Variants in USP8 observed in about 807,000 individuals in gnomAD.
USP8 encodes the protein ubiquitin specific peptidase 8, also known as ubiquitin carboxyl-terminal hydrolase 8.
Under a neutral mutation model 130.0 loss-of-function variants are expected in USP8, and 27 were observed. That is an observed-to-expected ratio of 0.21 (90% CI 0.15 to 0.29). USP8 has a LOEUF of 0.29. USP8 is among the 10% of genes least tolerant of loss of function. The pLI, the probability that USP8 is intolerant of heterozygous loss-of-function variation, is 1.00. For missense variants in USP8, 1,029 were observed against 1,312.2 expected (o/e 0.78, Z 3.33); for synonymous variants, 392 against 444.1 (o/e 0.88, Z 1.48).
In USP8 at chr15:50,476,940, A is replaced by G; in HGVS notation, c.941A>G (p.Asn314Ser). 1.9e-6 allele frequency: 3 copies of G among 1,610,394 alleles called. No homozygotes were observed. Among genetic ancestry groups the G allele is most frequent in the Non-Finnish European group, 2.5e-6 (3 of 1,179,414 alleles). ...WLLCYPQYTT[N>S]AKVTPPPRRQ... ...CTTTGTTATCCCCAGTATACAACAAATGCTAAGGTCACTCCACCCCCACGA... is the reference window on the plus strand; with the variant it reads ...CTTTGTTATCCCCAGTATACAACAAGTGCTAAGGTCACTCCACCCCCACGA... The change falls in exon 9 of 20, where the codon AAT (asparagine) becomes AGT (serine). Residue 314 changes from asparagine to serine, a missense_variant. Transcript: ENST00000307179.
intron 8 of USP8, among the ~76,000 whole-genome samples, chr15:50,473,113 A>G (rs534752363): frequency 9.2e-5 from 14 of 152,298 alleles, no homozygotes; most frequent in African/African-American, 2.6e-4. Flanking sequence ...AAAAATGGCA[A>G]CTTTACTAGT....
At chr15:50,495,483 TGGA>T (rs1566891792) in intron 16 of USP8, among the ~76,000 whole-genome samples, 1 of 94,402 alleles carries the variant, frequency 1.1e-5, no homozygotes, top group Non-Finnish European at 2.4e-5. Flanking sequence ...TAGTAGAGAT[TGGA>T]GGGGGGGGTC....
At position 50,439,188 on chromosome 15, in the gene USP8, T is replaced by C; in HGVS notation, c.104+11T>C. 1.4e-6 allele frequency: 2 copies of C among 1,416,640 alleles called. No individual in the cohort carries two copies. 87.8% of individuals were successfully genotyped at this position (1,416,640 alleles called of 1,614,324 possible). On this transcript the variant is annotated intron_variant, in intron 2 of 19. Transcript: ENST00000307179. ...AATAAGCACTAAGAGGTATGATGTA[T>C]CCTTCGCTAGTTTGATTGAATCAAA...
intron 1 of USP8, among the ~76,000 whole-genome samples, chr15:50,431,817 C>G (rs2049940273): frequency 6.6e-6 from 1 of 152,136 alleles, no homozygotes; most frequent in Admixed American, 6.5e-5. Context: ...CCACCATGCC[C>G]AGCTAATTTG....
chr15:50,503,612 A>C lies in USP8; in HGVS notation c.*4524A>C, dbSNP rs1161354046. On this transcript the variant is annotated 3_prime_UTR_variant, in exon 20 of 20. Transcript: ENST00000307179. ...GCTTGGACTCATGGTACAGAGAATA[A>C]AAGTCATTCCTGGGAATTTGTCACC... 1 of 152,220 alleles carries C rather than the reference A, an allele frequency of 6.6e-6. No homozygotes were observed. The highest frequency in any genetic ancestry group is 1.5e-5 in the Non-Finnish European group (1 of 68,032). The allele number at this position is 152,220 out of a possible 1,614,324, so 9.4% of individuals were successfully genotyped here. A position where few individuals can be genotyped will look rare whatever the true frequency, so the allele number is the denominator to read the frequency against.
At position 50,497,089 on chromosome 15, in the gene USP8, G is replaced by A; in HGVS notation, c.2896G>A (p.Asp966Asn). 1 of 1,586,338 alleles carries A rather than the reference G, an allele frequency of 6.3e-7. No individual in the cohort carries two copies. Among genetic ancestry groups the A allele is most frequent in the Non-Finnish European group, 8.5e-7 (1 of 1,170,374 alleles). Reference sequence around the variant, plus strand: ...TCTGCTACTTGTTTTTTTCTGCCAGGATTGCCTTAGATTATTTTCCAAAGA... The same window carrying A: ...TCTGCTACTTGTTTTTTTCTGCCAGAATTGCCTTAGATTATTTTCCAAAGA... ...LASTSKCTLQ[D>N]CLRLFSKEEK... Residue 966 changes from aspartate (D) to asparagine (N), a missense_variant and splice_region_variant, in exon 18 of 20, where the codon GAT (aspartate) becomes AAT (asparagine). Asp to Asn is a conservative substitution (Grantham distance 23). This residue lies in a region of USP8 where 257 missense variants were observed against 429.8 expected (regional missense o/e 0.60). Transcript: ENST00000307179.
chr15:50,430,648 T>G (rs2049900482), intron 1 of USP8, among the ~76,000 whole-genome samples: 1 of 152,126 alleles, frequency 6.6e-6, no homozygotes. Flanking sequence ...ATAACATAAT[T>G]TTGGTGTCAA....
At chr15:50,490,650 T>C in intron 14 of USP8, 125 bp downstream of exon 14, 3 of 1,236,608 alleles carry the variant, frequency 2.4e-6, no homozygotes, top group Admixed American at 2.7e-5. Flanking sequence ...CCAGCCGTTA[T>C]TATTTACCAC....
intron 4 of USP8, among the ~76,000 whole-genome samples, chr15:50,458,352 T>C (rs2050863213): frequency 6.6e-6 from 1 of 152,222 alleles, no homozygotes; most frequent in South Asian, 2.1e-4. Context: ...GATTTCACCA[T>C]GTTGGTCAGG....
chr15:50,481,606 A>G lies in USP8; in HGVS notation c.1344A>G (p.Pro448=). 1 of 1,614,142 alleles carries G rather than the reference A, an allele frequency of 6.2e-7. No individual in the cohort carries two copies. Among genetic ancestry groups the G allele is most frequent in the Non-Finnish European group, 8.5e-7 (1 of 1,180,014 alleles). The change falls in exon 11 of 20, where the codon CCA becomes CCG. Residue 448 remains proline (P), a synonymous_variant. Coordinates refer to ENST00000307179, the MANE Select transcript of USP8 (RefSeq NM_005154.5). ...TTATTCCTGATCGTTCCACCAAGCCAGTAGTTTTTTCTCCAACTCTCATGT... is the reference window on the plus strand; with the variant it reads ...TTATTCCTGATCGTTCCACCAAGCCGGTAGTTTTTTCTCCAACTCTCATGT... ...GKVIPDRSTK[P]VVFSPTLMLT... is the part of the protein sequence containing the mutation.
chr15:50,513,518 TAAAAAAAA>T lies in USP8; in HGVS notation c.*14443_*14450del, dbSNP rs35523535. The T allele has an allele frequency of 1.2e-5, 1 of 85,980 alleles. No homozygotes were observed. Among genetic ancestry groups the T allele is most frequent in the African/African-American group, 4.5e-5 (1 of 22,282 alleles). The allele number at this position is 85,980 out of a possible 1,614,324, so 5.3% of individuals were successfully genotyped here. A position where few individuals can be genotyped will look rare whatever the true frequency, so the allele number is the denominator to read the frequency against. On this transcript the variant is annotated 3_prime_UTR_variant, in exon 20 of 20. Coordinates refer to ENST00000307179, the MANE Select transcript of USP8 (RefSeq NM_005154.5). ...AGTTCGAGACAAGAGCGAAACTGTC[TAAAAAAAA>T]AAAAAAAAAAAAGAGTGAAGAATCA...
intron 10 of USP8, 74 bp from the exon 11 acceptor site, chr15:50,481,407 C>G: frequency 8.9e-7 from 1 of 1,125,482 alleles, no homozygotes; most frequent in Non-Finnish European, 1.2e-6. Context: ...TCTTTTATCA[C>G]AACTTGATCT....
At chr15:50,439,517 G>T (rs1385890136) in intron 2 of USP8, among the ~76,000 whole-genome samples, 1 of 152,044 alleles carries the variant, frequency 6.6e-6, no homozygotes, top group Non-Finnish European at 1.5e-5. Flanking sequence ...GGCCGGGTGC[G>T]GTGGCTCACG....
Position 50,502,364 on chromosome 15 carries a change from C to G in USP8, c.*3276C>G, listed in dbSNP as rs2052603074. The G allele has an allele frequency of 1.4e-5, 2 of 148,126 alleles. No homozygotes were observed. The allele number at this position is 148,126 out of a possible 1,614,324, so 9.2% of individuals were successfully genotyped here. On this transcript the variant is annotated 3_prime_UTR_variant, in exon 20 of 20. Transcript: ENST00000307179. ...CCTCGGGATCCTCCCACTTCGGCCT[C>G]CCAAAGTTATTTATTTTTATTTGAG...
rs2052650455 is a variant in USP8, at chr15:50,505,820, A to T, written c.*6732A>T. The T allele has an allele frequency of 6.6e-6, 1 of 152,270 alleles. No individual in the cohort carries two copies. The allele number at this position is 152,270 out of a possible 1,614,324, so 9.4% of individuals were successfully genotyped here. On this transcript the variant is annotated 3_prime_UTR_variant, in exon 20 of 20. Transcript: ENST00000307179. Reference sequence around the variant, plus strand: ...AAAAAAATAAAAAAGTTGGCCATGCACAGTAGCATGCCTGTAGTCCCAGCT... The same window carrying T: ...AAAAAAATAAAAAAGTTGGCCATGCTCAGTAGCATGCCTGTAGTCCCAGCT...
At chr15:50,481,274 G>C (rs529549338) in intron 10 of USP8, among the ~76,000 whole-genome samples, 1 of 152,184 alleles carries the variant, frequency 6.6e-6, no homozygotes, top group Non-Finnish European at 1.5e-5. Flanking sequence ...GTTGAATCAA[G>C]AGGATGTAAG....
At chr15:50,474,132 G>A (rs2051481407) in intron 8 of USP8, among the ~76,000 whole-genome samples, 1 of 152,130 alleles carries the variant, frequency 6.6e-6, no homozygotes, top group Non-Finnish European at 1.5e-5. Flanking sequence ...AGCCTCCTGA[G>A]TAGCTGAGGC....
chr15:50,483,475 GAT>G (rs1158221900), intron 11 of USP8, among the ~76,000 whole-genome samples: 1 of 152,094 alleles, frequency 6.6e-6, no homozygotes, highest in Non-Finnish European at 1.5e-5. Context: ...TTTAAAATAA[GAT>G]ATAAAACAAA....
At chr15:50,496,504 T>G (rs3098180) in intron 17 of USP8, among the ~76,000 whole-genome samples, 25,268 of 149,756 alleles carry the variant, frequency 0.17, 2,622 homozygotes, top group East Asian at 0.47. Context: ...AAAAAAACCT[T>G]TTATCAGTAA....
Sources: allele counts gnomAD v4.1 joint callset (sites outside exome capture counted in the v4.1 genomes callset), GRCh38; gene constraint gnomAD v4.1.1; regional missense constraint gnomAD v4.1.1; transcripts MANE v1.5; gene names NCBI Gene and HGNC (gene_info 2026-07-23, HGNC 2026-07-21).